CNIH3: variants seen among roughly 807,000 people sequenced by gnomAD.
CNIH3 encodes cornichon family AMPA receptor auxiliary protein 3.
A neutral mutation model predicts 24.1 loss-of-function variants in CNIH3; 14 were observed. The observed-to-expected ratio is 0.58, with a 90% CI of 0.38 to 0.91. The LOEUF (loss-of-function observed/expected upper bound fraction) is 0.91. Ranked by LOEUF, CNIH3 falls within the 40% of genes least tolerant of loss-of-function variation. The pLI is 0.00. For synonymous variants in CNIH3, 68 were observed against 73.8 expected (o/e 0.92, Z 0.40); for missense variants, 178 against 196.8 (o/e 0.90, Z 0.57).
At chr1:224,500,125 T>C (rs1264423486) in intron 1 of CNIH3, among the ~76,000 whole-genome samples, 1 of 151,660 alleles carries the variant, frequency 6.6e-6, no homozygotes, top group Non-Finnish European at 1.5e-5. Flanking sequence ...CACCTCAGCC[T>C]CCTTAGTAGC....
intron 2 of CNIH3, among the ~76,000 whole-genome samples, chr1:224,527,161 T>C (rs529577887): frequency 6.6e-6 from 1 of 152,092 alleles, no homozygotes; most frequent in Non-Finnish European, 1.5e-5. Context: ...GCAAAGTGTG[T>C]GGGGGACAGG....
In CNIH3 at chr1:224,617,214, C is replaced by T. The variant is rs1683049659; in HGVS notation, c.40C>T (p.Leu14=). Residue 14 remains leucine, a synonymous_variant, in exon 1 of 6, where the codon CTG becomes TTG. Coordinates refer to ENST00000272133, the MANE Select transcript of CNIH3 (RefSeq NM_152495.2). ...CGCTGCGTTCTGCTACATGCTGTCT[C>T]TGGTGCTGTGCGCTGCGCTCATCTT... ...TFAAFCYMLS[L]VLCAALIFFA... The T allele has an allele frequency of 6.2e-7, 1 of 1,614,172 alleles. No homozygotes were observed. Among genetic ancestry groups the T allele is most frequent in the Non-Finnish European group, 8.5e-7 (1 of 1,180,018 alleles).
At chr1:224,531,995 C>A (rs1030757565) in intron 2 of CNIH3, among the ~76,000 whole-genome samples, 17 of 152,042 alleles carry the variant, frequency 1.1e-4, no homozygotes, top group African/African-American at 3.9e-4. Context: ...CATTGTGGGG[C>A]CTGTATTCTA....
chr1:224,438,047 G>A (rs1674741853), intron 1 of CNIH3, among the ~76,000 whole-genome samples: 1 of 151,602 alleles, frequency 6.6e-6, no homozygotes, highest in Admixed American at 6.6e-5. Flanking sequence ...CGAGTAGCTG[G>A]GACTACAGGC....
At chr1:224,466,285 T>C (rs1676150139) in intron 1 of CNIH3, among the ~76,000 whole-genome samples, 2 of 152,176 alleles carry the variant, frequency 1.3e-5, no homozygotes. Context: ...CCAGCAGCCA[T>C]TCTTCTGTTC....
At chr1:224,628,410 A>G (rs1210884461) in intron 1 of CNIH3, among the ~76,000 whole-genome samples, 1 of 151,780 alleles carries the variant, frequency 6.6e-6, no homozygotes, top group Non-Finnish European at 1.5e-5. Context: ...CCAAACAGAA[A>G]CTCTGTGCCC....
chr1:224,582,779 A>G (rs576404017), intron 4 of CNIH3, among the ~76,000 whole-genome samples: 1 of 152,320 alleles, frequency 6.6e-6, no homozygotes, highest in South Asian at 2.1e-4. Context: ...GGTCAGGTCT[A>G]TAAGTTCGGA....
At chr1:224,612,453 C>G (rs1381180703), upstream of CNIH3, among the ~76,000 whole-genome samples, 1 of 152,068 alleles carries the variant, frequency 6.6e-6, no homozygotes, top group Non-Finnish European at 1.5e-5. This position sits in a 1 kb window ranked among gnomAD's most constrained non-coding sequence, Gnocchi z 4.7. Flanking sequence ...AGTCCAAGGA[C>G]CATCAAGGGT....
chr1:224,736,404 G>A (rs1370052908), intron 5 of CNIH3, among the ~76,000 whole-genome samples: 1 of 152,236 alleles, frequency 6.6e-6, no homozygotes, highest in Non-Finnish European at 1.5e-5. Context: ...GGGATTACAG[G>A]CGTGAGCCAC....
rs1687998460 is a variant in CNIH3, at chr1:224,709,279, T to C, written c.199-21183T>C. ...CTTCTCCTGCTCTCTCTCTCTCTCT[T>C]GAATTCCAGGAATGTGCTTCTAACC... is the stretch of plus-strand genomic sequence containing the variant. On this transcript the variant is annotated intron_variant, in intron 3 of 5. Transcript: ENST00000272133. Among the ~76,000 whole-genome samples, 3 of 150,702 alleles carry C rather than the reference T, an allele frequency of 2.0e-5. No homozygotes were observed. In the South Asian group the frequency reaches 6.3e-4, roughly 31 times the overall value.
At chr1:224,661,808 C>T in intron 1 of CNIH3, 1 of 215,008 alleles carries the variant, frequency 4.7e-6, no homozygotes, top group East Asian at 1.2e-4. Flanking sequence ...CACTTCAGTG[C>T]CAGTTTCTGA....
chr1:224,709,684 T>C (rs925278378), intron 3 of CNIH3, among the ~76,000 whole-genome samples: 2 of 152,200 alleles, frequency 1.3e-5, no homozygotes, highest in Non-Finnish European at 2.9e-5. Flanking sequence ...GGCCACAGGC[T>C]TCCTCCCTAA....
chr1:224,484,171 CAAA>C (rs35380158), intron 1 of CNIH3, among the ~76,000 whole-genome samples: 1 of 140,438 alleles, frequency 7.1e-6, no homozygotes, highest in Non-Finnish European at 1.5e-5. Context: ...AACTCTGTCT[CAAA>C]AAAAAAAAAA....
At position 224,617,008 on chromosome 1, in the gene CNIH3, C is replaced by G; in HGVS notation, c.-167C>G. 1 of 1,416,410 alleles carries G rather than the reference C, an allele frequency of 7.1e-7. No individual in the cohort carries two copies. The highest frequency in any genetic ancestry group is 9.2e-7 in the Non-Finnish European group (1 of 1,089,880). 87.7% of individuals were successfully genotyped at this position (1,416,410 alleles called of 1,614,324 possible). On this transcript the variant is annotated 5_prime_UTR_variant, in exon 1 of 6. Transcript: ENST00000272133. ...CGCCGGAGCCTGCGGGAATCCAGCG[C>G]TTATTCGCTGACCCTCGAGTCGCTT...
intron 5 of CNIH3, among the ~76,000 whole-genome samples, chr1:224,737,158 G>T (rs968486324): frequency 6.7e-6 from 1 of 150,056 alleles, no homozygotes; most frequent in Non-Finnish European, 1.5e-5. Context: ...CCGAGGCGTC[G>T]CAGGGAAGAA....
intron 1 of CNIH3, among the ~76,000 whole-genome samples, chr1:224,488,668 A>G (rs535467908): frequency 2.6e-5 from 4 of 152,216 alleles, no homozygotes; most frequent in East Asian, 1.9e-4. Flanking sequence ...AGGTTTCTCT[A>G]TGTCACCCAG....
Position 224,664,270 on chromosome 1 carries a change from G to A in CNIH3, c.82-16688G>A, listed in dbSNP as rs566790174. 6.6e-5 allele frequency among the ~76,000 whole-genome samples: 10 copies of A among 152,274 alleles called. No individual in the cohort carries two copies. The South Asian group carries it at 2.1e-3, about 32-fold the overall frequency. On this transcript the variant is annotated intron_variant, in intron 1 of 5. Transcript: ENST00000272133. ...GCCTGAGGGTCGGTTTTCTGAGGAA[G>A]GAATTCAGATAAGACAAATCTAAGT...
intron 1 of CNIH3, among the ~76,000 whole-genome samples, chr1:224,486,193 A>C (rs1677022605): frequency 6.6e-6 from 1 of 151,716 alleles, no homozygotes; most frequent in East Asian, 1.9e-4. Flanking sequence ...GCAGCCTCCA[A>C]CTCCTCTGCT....
intron 5 of CNIH3, among the ~76,000 whole-genome samples, chr1:224,737,305 A>C (rs556454887): frequency 6.6e-6 from 1 of 152,242 alleles, no homozygotes; most frequent in African/African-American, 2.4e-5. Flanking sequence ...TGTTCCAGAC[A>C]GTCTGTTTGA....
Sources: allele counts gnomAD v4.1 joint callset (sites outside exome capture counted in the v4.1 genomes callset), GRCh38; gene constraint gnomAD v4.1.1; non-coding constraint Gnocchi (gnomAD v3.1); transcripts MANE v1.5; gene names NCBI Gene and HGNC (gene_info 2026-07-23, HGNC 2026-07-21).